The following GRM5 variants were observed in gnomAD, a reference collection of about 807,000 sequenced individuals.
GRM5 encodes the protein metabotropic glutamate receptor 5.
A neutral mutation model predicts 83.1 loss-of-function variants in GRM5; 19 were observed. The ratio of observed to expected loss-of-function variants is 0.23; its 90% CI spans 0.16 to 0.34. The LOEUF (loss-of-function observed/expected upper bound fraction) is 0.34. GRM5 is among the 10% of genes least tolerant of loss of function. The pLI is 1.00. For missense variants in GRM5, 1,160 were observed against 1,588.3 expected, an observed-to-expected ratio of 0.73 and a Z score of 4.58; for synonymous variants, 675 against 633.6, an observed-to-expected ratio of 1.07 and a Z score of -0.98.
chr11:88,976,677 C>T (rs955300944), intron 2 of GRM5, among the ~76,000 whole-genome samples: 4 of 152,052 alleles, frequency 2.6e-5, no homozygotes, highest in African/African-American at 4.8e-5. Flanking sequence ...CTATTATATA[C>T]AGAAGCAACA....
At chr11:88,631,839 G>T (rs139818077) in intron 4 of GRM5, among the ~76,000 whole-genome samples, 84 of 152,234 alleles carry the variant, frequency 5.5e-4, no homozygotes, top group African/African-American at 1.9e-3. Context: ...AATCACAAAA[G>T]ATATGAGAGA....
chr11:88,630,732 C>T (rs1488285140), intron 4 of GRM5, among the ~76,000 whole-genome samples: 1 of 152,100 alleles, frequency 6.6e-6, no homozygotes, highest in Admixed American at 6.6e-5. Flanking sequence ...GCATGCACCA[C>T]CATGACTGGC....
intron 3 of GRM5, among the ~76,000 whole-genome samples, chr11:88,767,495 T>C (rs6483449): frequency 0.029 from 4,405 of 152,032 alleles, 113 homozygotes; most frequent in East Asian, 0.11. Context: ...TATGCAGCCA[T>C]ACAAAAGAAT....
chr11:89,020,894 T>C (rs984542178), intron 2 of GRM5, among the ~76,000 whole-genome samples: 1 of 152,160 alleles, frequency 6.6e-6, no homozygotes, highest in South Asian at 2.1e-4. Context: ...AAAACTGGCT[T>C]AGTGAGATTA....
chr11:89,021,083 T>C (rs1485402660), intron 2 of GRM5, among the ~76,000 whole-genome samples: 2 of 152,190 alleles, frequency 1.3e-5, no homozygotes, highest in Non-Finnish European at 1.5e-5. Context: ...CACAACTTCA[T>C]TAGTGAATAC....
chr11:88,898,791 A>T (rs1251756193), intron 2 of GRM5, among the ~76,000 whole-genome samples: 4 of 151,970 alleles, frequency 2.6e-5, no homozygotes, highest in African/African-American at 7.2e-5. Flanking sequence ...ATATCTATTT[A>T]TCTATCTGGC....
chr11:88,926,366 C>T lies in GRM5; in HGVS notation c.662-76211G>A, dbSNP rs551730960. On this transcript the variant is annotated intron_variant, in intron 2 of 9. Coordinates refer to ENST00000305447, the MANE Select transcript of GRM5 (RefSeq NM_001143831.3). ...TTACCACTAGCATGTTGAAAGATAA[C>T]ATTTTATGGGTAAAATAAGTACTTA... 4.6e-5 allele frequency among the ~76,000 whole-genome samples: 7 copies of T among 152,246 alleles called. No individual in the cohort carries two copies. In the South Asian group the frequency reaches 1.4e-3, roughly 32 times the overall value.
intron 2 of GRM5, among the ~76,000 whole-genome samples, chr11:89,012,361 G>A (rs1405251367): frequency 3.9e-5 from 6 of 152,088 alleles, no homozygotes; most frequent in South Asian, 2.1e-4. Context: ...AAGCTGACTC[G>A]CACTCCTTAC....
chr11:88,793,761 G>T (rs1166948800), intron 3 of GRM5, among the ~76,000 whole-genome samples: 1 of 152,146 alleles, frequency 6.6e-6, no homozygotes. Flanking sequence ...AAGAAAGAAG[G>T]ATCTGAAAGA....
chr11:88,811,045 C>T (rs934724482), intron 3 of GRM5, among the ~76,000 whole-genome samples: 5 of 152,084 alleles, frequency 3.3e-5, no homozygotes, highest in Admixed American at 6.6e-5. Context: ...TATCTCAGCT[C>T]TAATATTCTA....
chr11:88,749,063 T>A (rs1490138019), intron 3 of GRM5, among the ~76,000 whole-genome samples: 1 of 152,106 alleles, frequency 6.6e-6, no homozygotes. Context: ...ACAACACCTC[T>A]CGAGCAAGGA....
At chr11:88,544,735 G>A (rs1241603195) in intron 8 of GRM5, among the ~76,000 whole-genome samples, 1 of 152,172 alleles carries the variant, frequency 6.6e-6, no homozygotes, top group Non-Finnish European at 1.5e-5. Context: ...GTTGATTTAG[G>A]AACATTAAAC....
chr11:88,668,513 T>C (rs1940109998), intron 3 of GRM5, among the ~76,000 whole-genome samples: 1 of 151,940 alleles, frequency 6.6e-6, no homozygotes, highest in African/African-American at 2.4e-5. Context: ...AAAGACAAAA[T>C]GTAGGCCAAA....
chr11:88,659,284 T>A (rs776457661), intron 3 of GRM5, among the ~76,000 whole-genome samples: 1 of 152,018 alleles, frequency 6.6e-6, no homozygotes, highest in Admixed American at 6.6e-5. Flanking sequence ...TGAATATGAG[T>A]TGGGATCTGT....
intron 3 of GRM5, among the ~76,000 whole-genome samples, chr11:88,727,619 T>C (rs1247650273): frequency 6.6e-6 from 1 of 152,104 alleles, no homozygotes; most frequent in East Asian, 1.9e-4. Flanking sequence ...TATTCTAAAA[T>C]TGATCACATA....
Position 88,509,103 on chromosome 11 carries a change from T to C in GRM5, c.3128A>G (p.His1043Arg). The C allele has an allele frequency of 6.5e-7, 1 of 1,547,594 alleles. No individual in the cohort carries two copies. Among genetic ancestry groups the C allele is most frequent in the Non-Finnish European group, 8.7e-7 (1 of 1,146,356 alleles). The part of the protein sequence containing the change: ...SRTDDDVPSL[H>R]SEPVARSSSS... ...GCTGCTGCGCGCCACAGGCTCCGAG[T>C]GCAGCGACGGCACATCGTCGTCCGT... Residue 1043 changes from histidine (H) to arginine (R), a missense_variant, in exon 10 of 10, where the codon CAC becomes CGC. Coordinates refer to ENST00000305447, the MANE Select transcript of GRM5 (RefSeq NM_001143831.3).
intron 2 of GRM5, among the ~76,000 whole-genome samples, chr11:88,882,982 A>G (rs1484190254): frequency 1.3e-5 from 2 of 152,076 alleles, no homozygotes; most frequent in Middle Eastern, 3.2e-3. Context: ...GTAAGACATG[A>G]CTTTGCTCCT....
chr11:88,680,242 A>G (rs1940445161), intron 3 of GRM5, among the ~76,000 whole-genome samples: 1 of 148,400 alleles, frequency 6.7e-6, no homozygotes, highest in Non-Finnish European at 1.5e-5. Flanking sequence ...CACTCCCCCC[A>G]CCCCACAACA....
At chr11:88,633,426 C>T (rs1939034615) in intron 4 of GRM5, among the ~76,000 whole-genome samples, 1 of 152,128 alleles carries the variant, frequency 6.6e-6, no homozygotes, top group South Asian at 2.1e-4. Flanking sequence ...GAAACCTTTT[C>T]TAACATAAGG....
Sources: allele counts gnomAD v4.1 joint callset (sites outside exome capture counted in the v4.1 genomes callset), GRCh38; gene constraint gnomAD v4.1.1; transcripts MANE v1.5; gene names NCBI Gene and HGNC (gene_info 2026-07-23, HGNC 2026-07-21).